Variants in NDUFS7 observed in about 807,000 individuals in gnomAD.
NDUFS7 encodes NADH:ubiquinone oxidoreductase core subunit S7.
In NDUFS7, 11 loss-of-function variants were observed where a neutral mutation model predicts 31.1. The observed-to-expected ratio is 0.35, with a 90% confidence interval of 0.22 to 0.59. The LOEUF (loss-of-function observed/expected upper bound fraction) is 0.59, where lower values mean the gene tolerates loss of function less well. Ranked by LOEUF, NDUFS7 falls within the 20% of genes least tolerant of loss-of-function variation. The pLI is 0.79. For missense variants in NDUFS7, 263 were observed against 324.2 expected, an observed-to-expected ratio of 0.81 and a Z score of 1.45; for synonymous variants, 136 against 127.9, an observed-to-expected ratio of 1.06 and a Z score of -0.43.
In NDUFS7 at chr19:1,393,455, T is replaced by TG; in HGVS notation, c.544+128dup. On this transcript the variant is annotated intron_variant, in intron 7 of 7. Transcript: ENST00000233627. The surrounding 1 kb of genome is among the most constrained non-coding windows in gnomAD (Gnocchi z 7.3). ...ACGGCGGGCTCCCCCATCCTATGGA[T>TG]GGGCCGACTCGGAGCGCTGCCTCTT... 3.8e-6 allele frequency: 3 copies of TG among 791,166 alleles called. No individual in the cohort carries two copies. Among genetic ancestry groups the TG allele is most frequent in the Non-Finnish European group, 6.4e-6 (3 of 467,440 alleles). 49.0% of individuals were successfully genotyped at this position (791,166 alleles called of 1,614,324 possible).
intron 6 of NDUFS7, 139 bp downstream of exon 6, chr19:1,391,304 C>A: frequency 5.5e-6 from 6 of 1,099,646 alleles, no homozygotes; most frequent in Admixed American, 2.0e-5. Flanking sequence ...TCAGCCGTCT[C>A]GGTGCCTCCA....
Position 1,393,187 on chromosome 19 carries a change from G to A in NDUFS7, c.456-55G>A. ...GGGGATGGGGCGAGGCCTCGTGGAGGGAGGGTGGGCAGGCGGGTCTTCGGC... is the reference window on the plus strand; with the variant it reads ...GGGGATGGGGCGAGGCCTCGTGGAGAGAGGGTGGGCAGGCGGGTCTTCGGC... On this transcript the variant is annotated intron_variant, in intron 6 of 7. Transcript: ENST00000233627. This position sits in a 1 kb window ranked among gnomAD's most constrained non-coding sequence, Gnocchi z 7.3. 6.9e-7 allele frequency: 1 copy of A among 1,440,048 alleles called. No homozygotes were observed. Among genetic ancestry groups the A allele is most frequent in the Non-Finnish European group, 9.5e-7 (1 of 1,053,266 alleles). 89.2% of individuals were successfully genotyped at this position (1,440,048 alleles called of 1,614,324 possible). A position where few individuals can be genotyped will look rare whatever the true frequency, so the allele number is the denominator to read the frequency against.
intron 7 of NDUFS7, 54 bp from the exon 8 acceptor site, chr19:1,395,337 G>A (rs1251818857): frequency 1.9e-5 from 29 of 1,564,776 alleles, no homozygotes; most frequent in African/African-American, 1.5e-4. Flanking sequence ...CGCTGTGCAC[G>A]CGGTCACGCG....
chr19:1,389,324 CACTCACACACAT>C (rs1271415341), intron 4 of NDUFS7: 2 of 457,632 alleles, frequency 4.4e-6, no homozygotes, highest in Non-Finnish European at 8.6e-6. Flanking sequence ...CACACATGCA[CACTCACACACAT>C]GCACACACGT....
At position 1,393,060 on chromosome 19, in the gene NDUFS7, A is replaced by G. The variant is rs747356648; in HGVS notation, c.456-182A>G. ...TCAGCCACGTGTGAGCTTGCGCCCC[A>G]CTGGTCCCACAGAGGCTCTGGGAGC... On this transcript the variant is annotated intron_variant, in intron 6 of 7. Transcript: ENST00000233627. The surrounding 1 kb of genome is among the most constrained non-coding windows in gnomAD (Gnocchi z 7.3). The G allele has an allele frequency of 3.2e-6, 2 of 624,568 alleles. No homozygotes were observed. The highest frequency in any genetic ancestry group is 1.8e-5 in the South Asian group (1 of 54,856). 38.7% of individuals were successfully genotyped at this position (624,568 alleles called of 1,614,324 possible). A position where few individuals can be genotyped will look rare whatever the true frequency, so the allele number is the denominator to read the frequency against.
chr19:1,388,837 C>T lies in NDUFS7; in HGVS notation c.127C>T (p.Gln43Ter). Residue 43 changes from glutamine to a stop codon, truncating the protein, a stop_gained, in exon 4 of 8, where the codon CAG becomes TAG. Transcript: ENST00000233627. LOFTEE classifies it high-confidence loss of function. ...SVATDGPSST[Q>*]PALPKARAVA... is the part of the protein sequence containing the mutation. The stretch of plus-strand genomic sequence containing the variant: ...GCCCGTGTGTCTCTGTGCCAGCACC[C>T]AGCCTGCCCTGCCAAAGGCCAGAGC... 6.3e-7 allele frequency: 1 copy of T among 1,594,484 alleles called. No individual in the cohort carries two copies. The highest frequency in any genetic ancestry group is 8.5e-7 in the Non-Finnish European group (1 of 1,171,204).
intron 1 of NDUFS7, among the ~76,000 whole-genome samples, chr19:1,386,331 G>A (rs1375646478): frequency 6.6e-6 from 1 of 152,208 alleles, no homozygotes; most frequent in Admixed American, 6.5e-5. Flanking sequence ...TTGGGGGTCA[G>A]CAGGGTTGGT....
chr19:1,384,691 G>A (rs2332496), intron 1 of NDUFS7, among the ~76,000 whole-genome samples: 63,316 of 152,098 alleles, frequency 0.42, 13,549 homozygotes, highest in Middle Eastern at 0.53. Context: ...TGGAAATGAG[G>A]CTTTGATGAT....
Position 1,393,760 on chromosome 19 carries a change from C to A in NDUFS7, c.544+430C>A. The A allele has an allele frequency of 2.1e-6, 1 of 479,320 alleles. No individual in the cohort carries two copies. Among genetic ancestry groups the A allele is most frequent in the East Asian group, 3.7e-5 (1 of 26,942 alleles). 29.7% of individuals were successfully genotyped at this position (479,320 alleles called of 1,614,324 possible). ...ATTTGGCAAATGAAAACGTGGGAGG[C>A]TTAGTTTGACTGTGAGGTTAGGGTG... is the stretch of plus-strand genomic sequence containing the variant. On this transcript the variant is annotated intron_variant, in intron 7 of 7. Transcript: ENST00000233627. This position sits in a 1 kb window ranked among gnomAD's most constrained non-coding sequence, Gnocchi z 7.3.
Position 1,389,604 on chromosome 19 carries a change from G to A in NDUFS7, c.228+666G>A, listed in dbSNP as rs968791536. ...TGAAAGCAGTGTTTTAAGTTAAAAG[G>A]AGCGCGTGTGAAGGCAGTAGATCCT... On this transcript the variant is annotated intron_variant, in intron 4 of 7. Transcript: ENST00000233627. 1.4e-5 allele frequency: 6 copies of A among 437,128 alleles called. No homozygotes were observed. The Admixed American group carries it at 1.4e-4, about 11-fold the overall frequency. The allele number at this position is 437,128 out of a possible 1,614,324, so 27.1% of individuals were successfully genotyped here.
At chr19:1,394,999 C>G (rs980091308) in intron 7 of NDUFS7, 17 of 1,140,758 alleles carry the variant, frequency 1.5e-5, no homozygotes, top group Non-Finnish European at 1.8e-5. Context: ...CGCCCAGCCT[C>G]CCTGCCTCCA....
rs1305965252 is a variant in NDUFS7, at chr19:1,387,723, G to A, written c.17-88G>A. Reference sequence around the variant, plus strand: ...AGTTGGGATCAGAGCTAGGCTGTGCGGGCAGGAGCCTGATGGGGAAGCGCC... The same window carrying A: ...AGTTGGGATCAGAGCTAGGCTGTGCAGGCAGGAGCCTGATGGGGAAGCGCC... On this transcript the variant is annotated intron_variant, in intron 1 of 7. Coordinates refer to ENST00000233627, the MANE Select transcript of NDUFS7 (RefSeq NM_024407.5). 3.9e-5 allele frequency: 48 copies of A among 1,221,366 alleles called. No individual in the cohort carries two copies. In the Middle Eastern group the frequency reaches 5.6e-4, roughly 14 times the overall value. 75.7% of individuals were successfully genotyped at this position (1,221,366 alleles called of 1,614,324 possible).
rs75581521 is a variant in NDUFS7, at chr19:1,389,863, A to G, written c.228+925A>G. 5.8e-3 allele frequency: 1,605 copies of G among 277,200 alleles called. 34 individuals are homozygous for G. Among genetic ancestry groups the G allele is most frequent in the African/African-American group, 0.034 (1,511 of 44,908 alleles). The allele number at this position is 277,200 out of a possible 1,614,324, so 17.2% of individuals were successfully genotyped here. On this transcript the variant is annotated intron_variant, in intron 4 of 7. Coordinates refer to ENST00000233627, the MANE Select transcript of NDUFS7 (RefSeq NM_024407.5). ...CAGGGCCGCAGTGGTCGAGACAAGG[A>G]TAGTTTTTAATGCAGGATAGTTCTT... is the stretch of plus-strand genomic sequence containing the variant.
chr19:1,395,044 A>G, intron 7 of NDUFS7: 1 of 1,189,970 alleles, frequency 8.4e-7, no homozygotes, highest in South Asian at 2.0e-5. Flanking sequence ...CCTGCTCCCC[A>G]CTGCTAAGTG....
chr19:1,394,551 C>T (rs1213999328), intron 7 of NDUFS7: 1 of 1,247,376 alleles, frequency 8.0e-7, no homozygotes, highest in Non-Finnish European at 1.0e-6. Flanking sequence ...TCCTCCCTCC[C>T]TGGGGACCGC....
Position 1,388,981 on chromosome 19 carries a change from T to C in NDUFS7, c.228+43T>C, listed in dbSNP as rs1467793628. 4 of 1,506,012 alleles carry C rather than the reference T, an allele frequency of 2.7e-6. No individual in the cohort carries two copies. In the African/African-American group the frequency reaches 5.5e-5, roughly 21 times the overall value. 93.3% of individuals were successfully genotyped at this position (1,506,012 alleles called of 1,614,324 possible). A position where few individuals can be genotyped will look rare whatever the true frequency, so the allele number is the denominator to read the frequency against. On this transcript the variant is annotated intron_variant, in intron 4 of 7. Coordinates refer to ENST00000233627, the MANE Select transcript of NDUFS7 (RefSeq NM_024407.5). ...TAGGCCCTCCTCGAGCGCCAGGGCC[T>C]CTCTGCACACTCACAGGCACACACA...
In NDUFS7 at chr19:1,383,969, G is replaced by T. The variant is rs750606625; in HGVS notation, c.16+27G>T. ...TGAGCGCGGCACCGGCGGCGGGTGT[G>T]GGGCCGCGCGGGTCTGGGGCCGTGG... is the stretch of plus-strand genomic sequence containing the variant. On this transcript the variant is annotated intron_variant, in intron 1 of 7. Coordinates refer to ENST00000233627, the MANE Select transcript of NDUFS7 (RefSeq NM_024407.5). 1.0e-5 allele frequency: 16 copies of T among 1,556,500 alleles called. No individual in the cohort carries two copies. In the African/African-American group the frequency reaches 1.2e-4, roughly 12 times the overall value.
At chr19:1,394,624 G>C (rs1479217152) in intron 7 of NDUFS7, 1 of 1,199,410 alleles carries the variant, frequency 8.3e-7, no homozygotes, top group Non-Finnish European at 1.0e-6. Flanking sequence ...CCCTCCCAGC[G>C]GACCGCGCTC....
At chr19:1,389,347 C>A (rs945694403) in intron 4 of NDUFS7, 10 of 482,242 alleles carry the variant, frequency 2.1e-5, no homozygotes, top group African/African-American at 2.0e-4. Context: ...GCACACACGT[C>A]CTTGTGTGGA....
Sources: gnomAD v4.1 joint callset for allele counts (sites outside exome capture counted in the v4.1 genomes callset) on GRCh38, gnomAD v4.1.1 for gene constraint, Gnocchi (gnomAD v3.1) non-coding constraint, MANE v1.5 for transcripts, NCBI Gene and HGNC (gene_info 2026-07-23, HGNC 2026-07-21) for gene names.